FHAD1: variants seen among roughly 807,000 people sequenced by gnomAD.
The protein encoded by FHAD1 is forkhead associated phosphopeptide binding domain 1, also known as forkhead-associated domain-containing protein 1.
A neutral mutation model predicts 191.3 loss-of-function variants in FHAD1; 146 were observed. The observed-to-expected ratio is 0.76, with a 90% CI of 0.67 to 0.88. The LOEUF (loss-of-function observed/expected upper bound fraction) is 0.88, where lower values mean the gene tolerates loss of function less well. Ranked by LOEUF, FHAD1 falls within the 40% of genes least tolerant of loss-of-function variation. FHAD1 has a pLI of 0.00. For synonymous variants in FHAD1, 616 were observed against 672.3 expected (o/e 0.92, Z 1.29); for missense variants, 1,635 against 1,785.8 (o/e 0.92, Z 1.52).
In FHAD1 at chr1:15,327,362, A is replaced by G; in HGVS notation, c.1557+220A>G. 1 of 503,850 alleles carries G rather than the reference A, an allele frequency of 2.0e-6. No individual in the cohort carries two copies. The highest frequency in any genetic ancestry group is 3.5e-6 in the Non-Finnish European group (1 of 284,358). 31.2% of individuals were successfully genotyped at this position (503,850 alleles called of 1,614,324 possible). The stretch of plus-strand genomic sequence containing the variant: ...CCCTTGAAATGTGTCTGTGAAAATC[A>G]AATTAAACCATTCGGGCTTACTTCT... On this transcript the variant is annotated intron_variant, in intron 12 of 33. Transcript: ENST00000688493. The surrounding 1 kb of genome is among the most constrained non-coding windows in gnomAD (Gnocchi z 5.1).
intron 31 of FHAD1, chr1:15,383,267 A>AGTGCTTTTGGATGGTGAGG: frequency 2.1e-6 from 1 of 467,852 alleles, no homozygotes; most frequent in Non-Finnish European, 4.4e-6. Context: ...TCAGGAGCCA[A>AGTGCTTTTGGATGGTGAGG]GTGCTTTTGG....
chr1:15,294,349 G>A (rs1028973025), intron 4 of FHAD1, among the ~76,000 whole-genome samples: 8 of 152,262 alleles, frequency 5.3e-5, no homozygotes, highest in East Asian at 1.9e-4. Context: ...TCTCAATCTC[G>A]GCACTGCTGA....
Position 15,289,482 on chromosome 1 carries a change from C to A in FHAD1, c.384C>A (p.Pro128=). Reference sequence around the variant, plus strand: ...CCACACAGCAGCCAAACCAGGCCCCCCCACCATCACATATCCCCTTCCACC... The same window carrying A: ...CCACACAGCAGCCAAACCAGGCCCCACCACCATCACATATCCCCTTCCACC... ...PRATQQPNQA[P]PPSHIPFHQG... is the part of the protein sequence containing the mutation. The change falls in exon 4 of 34, where the codon CCC becomes CCA. Residue 128 remains proline (P), a synonymous_variant. Transcript: ENST00000688493. This position sits in a 1 kb window ranked among gnomAD's most constrained non-coding sequence, Gnocchi z 4.2. 6.4e-7 allele frequency: 1 copy of A among 1,551,872 alleles called. No individual in the cohort carries two copies. Among genetic ancestry groups the A allele is most frequent in the Non-Finnish European group, 8.7e-7 (1 of 1,147,036 alleles).
chr1:15,239,214 T>G (rs1292189645), intron 1 of FHAD1, among the ~76,000 whole-genome samples: 2 of 151,890 alleles, frequency 1.3e-5, no homozygotes, highest in African/African-American at 4.8e-5. Context: ...GCCCCTAAAC[T>G]CATTCATTTA....
At chr1:15,272,249 C>T (rs915869642) in intron 2 of FHAD1, 74 bp from the exon 3 acceptor site, 2 of 1,355,510 alleles carry the variant, frequency 1.5e-6, no homozygotes, top group Admixed American at 4.1e-5. Context: ...ACAGGTAAGG[C>T]ACTCAGCTCA....
chr1:15,332,385 A>G (rs1386300709), intron 14 of FHAD1, among the ~76,000 whole-genome samples: 1 of 152,178 alleles, frequency 6.6e-6, no homozygotes, highest in Non-Finnish European at 1.5e-5. Flanking sequence ...GACTAAGTCT[A>G]TAAATCTAGT....
intron 3 of FHAD1, among the ~76,000 whole-genome samples, chr1:15,280,040 G>T (rs1447631765): frequency 6.6e-6 from 1 of 152,184 alleles, no homozygotes; most frequent in Non-Finnish European, 1.5e-5. Context: ...AGGAAGTAGC[G>T]TGGCTTGTTT....
intron 10 of FHAD1, among the ~76,000 whole-genome samples, chr1:15,320,989 C>T (rs547996406): frequency 6.6e-6 from 1 of 152,268 alleles, no homozygotes; most frequent in African/African-American, 2.4e-5. Context: ...GGCTGGAGTG[C>T]AGTGGTGCGA....
chr1:15,374,382 A>G, intron 26 of FHAD1, 120 bp from the exon 27 acceptor site: 2 of 1,242,956 alleles, frequency 1.6e-6, no homozygotes, highest in Non-Finnish European at 2.2e-6. Flanking sequence ...CCCTAATGCT[A>G]TTTTTCCAAA....
chr1:15,369,354 C>T lies in FHAD1; in HGVS notation c.3315-16C>T. On this transcript the variant is annotated splice_polypyrimidine_tract_variant and intron_variant, in intron 25 of 33. Coordinates refer to ENST00000688493, the MANE Select transcript of FHAD1 (RefSeq NM_001391957.1). The stretch of plus-strand genomic sequence containing the variant: ...GTTTCCAGAACCTCGTGCCATCCTC[C>T]TCTTCTCTACCCTAGGGCTTCCCAA... The T allele has an allele frequency of 6.4e-7, 1 of 1,551,910 alleles. No homozygotes were observed. The highest frequency in any genetic ancestry group is 8.7e-7 in the Non-Finnish European group (1 of 1,147,002).
intron 25 of FHAD1, 26 bp downstream of exon 25, chr1:15,367,648 G>A: frequency 6.7e-7 from 1 of 1,498,846 alleles, no homozygotes. Flanking sequence ...GCCGGGTTGG[G>A]GGGATGGTTT....
At chr1:15,373,102 C>T (rs1698581719) in intron 26 of FHAD1, among the ~76,000 whole-genome samples, 1 of 152,184 alleles carries the variant, frequency 6.6e-6, no homozygotes. Context: ...GAATGGACTT[C>T]AGGAGGTCTT....
chr1:15,244,869 G>T (rs942764589), upstream of FHAD1, among the ~76,000 whole-genome samples: 14 of 152,208 alleles, frequency 9.2e-5, no homozygotes, highest in African/African-American at 3.4e-4. The surrounding 1 kb of genome is among the most constrained non-coding windows in gnomAD (Gnocchi z 5.1). Context: ...ACCTGAGGCT[G>T]TGTCATTTAT....
At chr1:15,321,417 A>G (rs1676216009) in intron 10 of FHAD1, among the ~76,000 whole-genome samples, 1 of 152,224 alleles carries the variant, frequency 6.6e-6, no homozygotes, top group African/African-American at 2.4e-5. Flanking sequence ...ATGCATTTTC[A>G]ACTTACCAAA....
chr1:15,240,643 A>G (rs1158803124), intron 1 of FHAD1, among the ~76,000 whole-genome samples: 1 of 150,306 alleles, frequency 6.7e-6, no homozygotes, highest in African/African-American at 2.4e-5. Flanking sequence ...AAAAAAAAAA[A>G]AAAAGAAAGA....
chr1:15,382,457 A>G (rs1701135751), intron 31 of FHAD1, among the ~76,000 whole-genome samples: 1 of 152,100 alleles, frequency 6.6e-6, no homozygotes, highest in Non-Finnish European at 1.5e-5. Context: ...GTTGTTATTC[A>G]TATTTATATC....
rs72474553 is a variant in FHAD1, at chr1:15,309,703, T to C, written c.1039+967T>C. Among the ~76,000 whole-genome samples the C allele has an allele frequency of 2.6e-5, 4 of 151,982 alleles. No individual in the cohort carries two copies. The East Asian group carries it at 7.8e-4, about 29-fold the overall frequency. ...TTTTTTTTTTTAGCTCATCAGTTAT[T>C]ATTAGCGTGAGTGTATTTTATGCGT... On this transcript the variant is annotated intron_variant, in intron 7 of 33. Coordinates refer to ENST00000688493, the MANE Select transcript of FHAD1 (RefSeq NM_001391957.1).
chr1:15,360,466 T>C lies in FHAD1; in HGVS notation c.2737-12T>C. 1.3e-6 allele frequency: 2 copies of C among 1,549,962 alleles called. No homozygotes were observed. Among genetic ancestry groups the C allele is most frequent in the Non-Finnish European group, 1.7e-6 (2 of 1,146,254 alleles). The stretch of plus-strand genomic sequence containing the variant: ...CTCCCAAGACCTCACTGAGTGACTC[T>C]CTGTTTCCCAGATCATGGTGGAAGA... On this transcript the variant is annotated splice_polypyrimidine_tract_variant and intron_variant, in intron 21 of 33. Transcript: ENST00000688493.
At chr1:15,370,369 T>G (rs1175377268) in intron 26 of FHAD1, among the ~76,000 whole-genome samples, 2 of 151,886 alleles carry the variant, frequency 1.3e-5, no homozygotes, top group Non-Finnish European at 2.9e-5. Context: ...ATAACAGTAT[T>G]TAATGGGCAT....
Sources: allele counts gnomAD v4.1 joint callset (sites outside exome capture counted in the v4.1 genomes callset), GRCh38; gene constraint gnomAD v4.1.1; non-coding constraint Gnocchi (gnomAD v3.1); transcripts MANE v1.5; gene names NCBI Gene and HGNC (gene_info 2026-07-23, HGNC 2026-07-21).